The following ARHGAP26 variants were observed in gnomAD, a reference collection of about 807,000 sequenced individuals.
ARHGAP26 encodes Rho GTPase activating protein 26, also known as rho GTPase-activating protein 26.
Under a neutral mutation model 104.8 loss-of-function variants are expected in ARHGAP26, and 38 were observed. That is an observed-to-expected ratio of 0.36 (90% confidence interval 0.28 to 0.48). The LOEUF is 0.48. ARHGAP26 is among the 20% of genes least tolerant of loss of function. ARHGAP26 has a pLI of 0.99. For synonymous variants in ARHGAP26, 341 were observed against 340.0 expected, an observed-to-expected ratio of 1.00 and a Z score of -0.03; for missense variants, 704 against 947.9, an observed-to-expected ratio of 0.74 and a Z score of 3.38.
intron 17 of ARHGAP26, among the ~76,000 whole-genome samples, chr5:143,090,681 G>A (rs181241211): frequency 2.0e-5 from 3 of 152,330 alleles, no homozygotes; most frequent in Admixed American, 1.3e-4. Flanking sequence ...CACTGGGTTA[G>A]CTGATGGGGG....
At chr5:142,913,085 G>A in intron 9 of ARHGAP26, 114 bp from the exon 10 acceptor site, 2 of 909,884 alleles carry the variant, frequency 2.2e-6, no homozygotes, top group South Asian at 1.4e-5. Flanking sequence ...ATGGTCATGA[G>A]CACTCAGATT....
At chr5:143,182,592 C>T (rs1317920785) in intron 20 of ARHGAP26, among the ~76,000 whole-genome samples, 3 of 152,230 alleles carry the variant, frequency 2.0e-5, no homozygotes, top group African/African-American at 7.2e-5. Context: ...TTTACCCAAA[C>T]CCTGTCATTA....
intron 1 of ARHGAP26, among the ~76,000 whole-genome samples, chr5:142,800,771 C>T (rs2151959142): frequency 6.6e-6 from 1 of 152,332 alleles, no homozygotes. Context: ...AACCTGGCAG[C>T]ACGTTCTCTT....
chr5:143,211,944 A>T (rs1809531613), intron 21 of ARHGAP26, among the ~76,000 whole-genome samples: 1 of 152,188 alleles, frequency 6.6e-6, no homozygotes, highest in Non-Finnish European at 1.5e-5. Flanking sequence ...TTTGAATGAT[A>T]ATCTTGGGCA....
At chr5:142,878,437 A>G (rs1274235404) in intron 3 of ARHGAP26, among the ~76,000 whole-genome samples, 1 of 152,152 alleles carries the variant, frequency 6.6e-6, no homozygotes, top group Non-Finnish European at 1.5e-5. Flanking sequence ...TCGTTCAAAT[A>G]TGTTTGAGTG....
intron 20 of ARHGAP26, among the ~76,000 whole-genome samples, chr5:143,200,672 T>C (rs1343013742): frequency 6.6e-6 from 1 of 152,218 alleles, no homozygotes; most frequent in East Asian, 1.9e-4. Context: ...TGGTTGTATT[T>C]CTTTTCTTCT....
intron 11 of ARHGAP26, among the ~76,000 whole-genome samples, chr5:142,968,756 G>T (rs1347529261): frequency 6.6e-6 from 1 of 152,158 alleles, no homozygotes; most frequent in African/African-American, 2.4e-5. Flanking sequence ...ACTGAGGTCT[G>T]GCCATGTTAA....
At chr5:143,028,107 A>G (rs189850450) in intron 12 of ARHGAP26, among the ~76,000 whole-genome samples, 1 of 152,346 alleles carries the variant, frequency 6.6e-6, no homozygotes, top group East Asian at 1.9e-4. Flanking sequence ...CACTGATGCT[A>G]TAATCTTACA....
chr5:142,797,809 G>A (rs1217028211), intron 1 of ARHGAP26, among the ~76,000 whole-genome samples: 1 of 152,240 alleles, frequency 6.6e-6, no homozygotes, highest in Non-Finnish European at 1.5e-5. Context: ...TTGCCACTCT[G>A]TTGGGGGAGT....
chr5:142,772,412 GT>G (rs1309131247), intron 1 of ARHGAP26, among the ~76,000 whole-genome samples: 2 of 152,192 alleles, frequency 1.3e-5, no homozygotes, highest in Non-Finnish European at 2.9e-5. Flanking sequence ...CCACTTACAG[GT>G]TGGGCCCAGG....
At chr5:143,106,334 C>T (rs1794011544) in intron 17 of ARHGAP26, among the ~76,000 whole-genome samples, 2 of 152,054 alleles carry the variant, frequency 1.3e-5, no homozygotes, top group South Asian at 4.1e-4. Context: ...ACAGGGTGTT[C>T]GCATCATTGT....
intron 20 of ARHGAP26, among the ~76,000 whole-genome samples, chr5:143,190,927 A>C (rs1316822499): frequency 6.6e-6 from 1 of 152,238 alleles, no homozygotes; most frequent in East Asian, 1.9e-4. Context: ...ATGAAATGTC[A>C]GACACAAAAG....
intron 1 of ARHGAP26, among the ~76,000 whole-genome samples, chr5:142,838,530 C>A (rs1240123287): frequency 6.6e-6 from 1 of 152,210 alleles, no homozygotes; most frequent in Non-Finnish European, 1.5e-5. Context: ...TGTGTCACCT[C>A]AGACAGGTTG....
chr5:143,213,878 G>T (rs952829358), intron 21 of ARHGAP26, 119 bp from the exon 22 acceptor site: 1 of 538,060 alleles, frequency 1.9e-6, no homozygotes. Flanking sequence ...GCCTTGCCAG[G>T]CACTTCCCAC....
At chr5:142,918,932 C>G (rs559298298) in intron 10 of ARHGAP26, among the ~76,000 whole-genome samples, 101 of 152,198 alleles carry the variant, frequency 6.6e-4, no homozygotes, top group African/African-American at 2.0e-3. Flanking sequence ...AGTTTAAAGA[C>G]TCTAGCATTA....
At chr5:143,217,204 G>A (rs1810469259) in intron 22 of ARHGAP26, among the ~76,000 whole-genome samples, 1 of 152,176 alleles carries the variant, frequency 6.6e-6, no homozygotes, top group East Asian at 1.9e-4. Flanking sequence ...GCCCGTGGAG[G>A]GGAAAGTCTG....
intron 1 of ARHGAP26, among the ~76,000 whole-genome samples, chr5:142,826,511 T>C (rs1767311565): frequency 6.6e-6 from 1 of 152,274 alleles, no homozygotes; most frequent in Non-Finnish European, 1.5e-5. Flanking sequence ...AACTACGTGC[T>C]AGCACGAGGA....
At chr5:142,922,962 C>T (rs1320162336) in intron 10 of ARHGAP26, among the ~76,000 whole-genome samples, 1 of 152,132 alleles carries the variant, frequency 6.6e-6, no homozygotes, top group African/African-American at 2.4e-5. Context: ...ATGACTCTGA[C>T]TTCCATGACT....
intron 1 of ARHGAP26, among the ~76,000 whole-genome samples, chr5:142,849,347 C>A (rs759468462): frequency 2.1e-4 from 32 of 152,298 alleles, no homozygotes; most frequent in Admixed American, 9.1e-4. Flanking sequence ...TCTTATCTCT[C>A]CCCTCCCAGA....
Sources: gnomAD v4.1 joint callset for allele counts (sites outside exome capture counted in the v4.1 genomes callset) on GRCh38, gnomAD v4.1.1 for gene constraint, MANE v1.5 for transcripts, NCBI Gene and HGNC (gene_info 2026-07-23, HGNC 2026-07-21) for gene names.